Variants in HMGCS2 observed in about 807,000 individuals in gnomAD.
HMGCS2 encodes hydroxymethylglutaryl-CoA synthase, mitochondrial.
HMGCS2 carries 50 observed loss-of-function variants against 57.4 expected under a neutral mutation model. That is an observed-to-expected ratio of 0.87 (90% CI 0.69 to 1.10). The LOEUF (loss-of-function observed/expected upper bound fraction) is 1.10. HMGCS2 is among the 50% of genes least tolerant of loss of function. HMGCS2 has a pLI of 0.00. For synonymous variants in HMGCS2, 254 were observed against 245.1 expected (o/e 1.04, Z -0.34); for missense variants, 627 against 636.5 (o/e 0.99, Z 0.16).
chr1:119,764,767 T>C (rs1487698725), intron 1 of HMGCS2, 141 bp from the exon 2 acceptor site: 5 of 706,546 alleles, frequency 7.1e-6, no homozygotes, highest in Non-Finnish European at 1.0e-5. Context: ...GTATTGTTAT[T>C]ATCTTTTCAT....
chr1:119,762,782 C>T (rs1653090862), intron 2 of HMGCS2, among the ~76,000 whole-genome samples: 1 of 152,070 alleles, frequency 6.6e-6, no homozygotes, highest in Non-Finnish European at 1.5e-5. Flanking sequence ...TACTTTTATA[C>T]CTAGATACCA....
At chr1:119,759,372 G>A (rs1249147056) in intron 3 of HMGCS2, 90 bp from the exon 4 acceptor site, 3 of 1,318,160 alleles carry the variant, frequency 2.3e-6, no homozygotes, top group African/African-American at 2.9e-5. Flanking sequence ...GGAGGTTTCT[G>A]GTCATTATCT....
rs1652694966 is a variant in HMGCS2 at position 119,752,559 on chromosome 1, G to T, written c.1410C>A (p.Phe470Leu). 1 of 1,613,896 alleles carries T rather than the reference G, an allele frequency of 6.2e-7. No homozygotes were observed. The highest frequency in any genetic ancestry group is 1.7e-5 in the Admixed American group (1 of 59,992). Residue 470 changes from phenylalanine (F) to leucine (L), a missense_variant, in exon 8 of 10, where the codon TTC becomes TTA. Phe to Leu is a conservative substitution (Grantham distance 22). Coordinates refer to ENST00000369406, the MANE Select transcript of HMGCS2 (RefSeq NM_005518.4). ...FTEIMNQREQFYHKVNFSPPG... is the reference protein window; with the variant it reads ...FTEIMNQREQLYHKVNFSPPG... The stretch of plus-strand genomic sequence containing the variant: ...TGACTTTTTTCTTACCCTTATGGTA[G>T]AATTGCTCTCTTTGGTTCATTATTT...
At chr1:119,765,165 G>C (rs1265136840) in intron 1 of HMGCS2, among the ~76,000 whole-genome samples, 1 of 152,158 alleles carries the variant, frequency 6.6e-6, no homozygotes, top group Non-Finnish European at 1.5e-5. Context: ...CTGGAGTGCA[G>C]TGGCGTGATC....
chr1:119,764,693 C>T (rs989262226), intron 1 of HMGCS2, 67 bp from the exon 2 acceptor site: 1 of 1,106,080 alleles, frequency 9.0e-7, no homozygotes, highest in Non-Finnish European at 1.4e-6. Flanking sequence ...AAGACAGTAA[C>T]ATAGCAATCA....
Position 119,764,456 on chromosome 1 carries a change from C to A in HMGCS2, c.275G>T (p.Arg92Leu). 1 of 1,613,038 alleles carries A rather than the reference C, an allele frequency of 6.2e-7. No individual in the cohort carries two copies. The highest frequency in any genetic ancestry group is 1.1e-5 in the South Asian group (1 of 91,058). ...CTCTTGGACTGAGCAGAAGCCCATA[C>A]GGGTCTGGCCCAAGCCCACTGTATA... ...GKYTVGLGQT[R>L]MGFCSVQEDI... The change falls in exon 2 of 10, where the codon CGT becomes CTT. Residue 92 changes from arginine to leucine, a missense_variant. Coordinates refer to ENST00000369406, the MANE Select transcript of HMGCS2 (RefSeq NM_005518.4).
chr1:119,750,863 G>A lies in HMGCS2; in HGVS notation c.1466C>T (p.Thr489Ile). 1 of 1,614,026 alleles carries A rather than the reference G, an allele frequency of 6.2e-7. No homozygotes were observed. Among genetic ancestry groups the A allele is most frequent in the East Asian group, 2.2e-5 (1 of 44,894 alleles). ...PGDTNSLFPG[T>I]WYLERVDEQH... ...CTCGTCCACTCGCTCCAGGTACCAAGTACCTGGGAAAAGGCTGTTTGTGTC... is the reference window on the plus strand; with the variant it reads ...CTCGTCCACTCGCTCCAGGTACCAAATACCTGGGAAAAGGCTGTTTGTGTC... Residue 489 changes from threonine (T) to isoleucine (I), a missense_variant, in exon 9 of 10, where the codon ACT becomes ATT. By Grantham distance (89) the Thr-to-Ile change is moderately conservative. Coordinates refer to ENST00000369406, the MANE Select transcript of HMGCS2 (RefSeq NM_005518.4).
At chr1:119,750,735 T>C in intron 9 of HMGCS2, 62 bp downstream of exon 9, 1 of 1,033,634 alleles carries the variant, frequency 9.7e-7, no homozygotes, top group Non-Finnish European at 1.5e-6. Flanking sequence ...TCTCTCTCTG[T>C]GTTGTTACTC....
intron 6 of HMGCS2, 23 bp from the exon 7 acceptor site, chr1:119,753,409 A>AC (rs2101249968): frequency 1.2e-6 from 1 of 865,090 alleles, no homozygotes; most frequent in East Asian, 2.4e-5. Context: ...AAATCAAATA[A>AC]AACACACACA....
intron 5 of HMGCS2, 44 bp downstream of exon 5, chr1:119,757,229 C>T: frequency 2.5e-6 from 4 of 1,613,582 alleles, no homozygotes; most frequent in Non-Finnish European, 3.4e-6. Context: ...CTCCTTCTTG[C>T]TCACACCTCA....
chr1:119,759,300 G>T lies in HMGCS2; in HGVS notation c.686-18C>A. 1.2e-6 allele frequency: 2 copies of T among 1,612,476 alleles called. No individual in the cohort carries two copies. Among genetic ancestry groups the T allele is most frequent in the Non-Finnish European group, 8.5e-7 (1 of 1,179,166 alleles). On this transcript the variant is annotated intron_variant, in intron 3 of 9. Transcript: ENST00000369406. ...CCTCAGCCCTGGAAAGGCACACAAA[G>T]TGTTTCAGAGACTACACAATGCAGC... is the stretch of plus-strand genomic sequence containing the variant.
intron 1 of HMGCS2, among the ~76,000 whole-genome samples, chr1:119,767,893 G>A (rs1653289259): frequency 6.6e-6 from 1 of 152,192 alleles, no homozygotes; most frequent in Non-Finnish European, 1.5e-5. Context: ...GATGATGGTA[G>A]CATAATGAAA....
chr1:119,765,325 G>A (rs1021622064), intron 1 of HMGCS2, among the ~76,000 whole-genome samples: 3 of 152,120 alleles, frequency 2.0e-5, no homozygotes, highest in Admixed American at 1.3e-4. Context: ...AGCCAGGATG[G>A]TCTCGATCTC....
At chr1:119,754,682 T>C (rs1404900827) in intron 6 of HMGCS2, among the ~76,000 whole-genome samples, 1 of 152,154 alleles carries the variant, frequency 6.6e-6, no homozygotes, top group African/African-American at 2.4e-5. Flanking sequence ...TTGGGGAAGG[T>C]GAGGTGCATT....
chr1:119,759,088 C>G, intron 4 of HMGCS2, 30 bp downstream of exon 4: 3 of 1,612,140 alleles, frequency 1.9e-6, no homozygotes, highest in Non-Finnish European at 2.5e-6. Flanking sequence ...GTAAATAGAG[C>G]CCCCACTTTC....
rs775555477 is a variant in HMGCS2 at position 119,752,624 on chromosome 1, G to T, written c.1345C>A (p.Leu449Ile). 6.2e-7 allele frequency: 1 copy of T among 1,614,134 alleles called. No homozygotes were observed. Among genetic ancestry groups the T allele is most frequent in the Non-Finnish European group, 8.5e-7 (1 of 1,179,988 alleles). Residue 449 changes from leucine to isoleucine, a missense_variant, in exon 8 of 10, where the codon CTA becomes ATA. Leu to Ile is a conservative substitution (Grantham distance 5, BLOSUM62 2). Transcript: ENST00000369406. ...VSSTSDLPKR[L>I]ASRKCVSPEE... is the part of the protein sequence containing the mutation. Reference sequence around the variant, plus strand: ...GGAGACACACACTTTCGGGAGGCTAGGCGTTTTGGCAGGTCTGATGTGCTG... The same window carrying T: ...GGAGACACACACTTTCGGGAGGCTATGCGTTTTGGCAGGTCTGATGTGCTG...
At position 119,750,804 on chromosome 1, in the gene HMGCS2, A is replaced by G. The variant is rs775189501; in HGVS notation, c.1525T>C (p.Ter509GlnextTer26). The change falls in exon 9 of 10, where the codon TAA becomes CAA. Residue 509 changes from the stop codon to glutamine, a stop_lost. Coordinates refer to ENST00000369406, the MANE Select transcript of HMGCS2 (RefSeq NM_005518.4). ...HRRKYARRPV[*>Q] ...CTGCAAACTCTCACTCACCACCTTT[A>G]GACGGGACGCCGGGCATACTTTCGG... 1.2e-6 allele frequency: 2 copies of G among 1,611,066 alleles called. No homozygotes were observed. The highest frequency in any genetic ancestry group is 1.7e-6 in the Non-Finnish European group (2 of 1,177,306).
At chr1:119,766,099 C>G (rs886249285) in intron 1 of HMGCS2, among the ~76,000 whole-genome samples, 1 of 152,162 alleles carries the variant, frequency 6.6e-6, no homozygotes, top group African/African-American at 2.4e-5. Context: ...CTCTTTAACC[C>G]AGATTCTTAA....
chr1:119,758,850 T>C (rs1019527492), intron 4 of HMGCS2, among the ~76,000 whole-genome samples: 19 of 152,228 alleles, frequency 1.2e-4, no homozygotes, highest in Admixed American at 1.0e-3. Flanking sequence ...GTGGCTGACA[T>C]CCCTTGGTTT....
Sources: allele counts gnomAD v4.1 joint callset (sites outside exome capture counted in the v4.1 genomes callset), GRCh38; gene constraint gnomAD v4.1.1; transcripts MANE v1.5; gene names NCBI Gene and HGNC (gene_info 2026-07-23, HGNC 2026-07-21).